The following PHTF1 variants were observed in gnomAD, a reference collection of about 807,000 sequenced individuals.
PHTF1 encodes protein PHTF1.
Under a neutral mutation model 102.4 loss-of-function variants are expected in PHTF1, and 88 were observed. The observed-to-expected ratio is 0.86, with a 90% CI of 0.72 to 1.03. The LOEUF (loss-of-function observed/expected upper bound fraction) is 1.03. Ranked by LOEUF, PHTF1 falls within the 50% of genes least tolerant of loss-of-function variation. PHTF1 has a pLI of 0.00. For missense variants in PHTF1, 814 were observed against 909.5 expected (o/e 0.89, Z 1.35); for synonymous variants, 289 against 305.2 (o/e 0.95, Z 0.55).
intron 6 of PHTF1, chr1:113,726,071 C>A (rs897760431): frequency 4.2e-5 from 7 of 168,516 alleles, no homozygotes; most frequent in African/African-American, 1.7e-4. Flanking sequence ...GTACCAAGAT[C>A]CTTGTTTACA....
intron 7 of PHTF1, among the ~76,000 whole-genome samples, chr1:113,721,986 G>A (rs532551653): frequency 3.3e-5 from 5 of 151,540 alleles, no homozygotes; most frequent in African/African-American, 9.7e-5. Context: ...GAGCCACTGC[G>A]CCCAGCCAAA....
At chr1:113,714,226 T>A (rs1429440808) in intron 7 of PHTF1, 1 of 152,234 alleles carries the variant, frequency 6.6e-6, no homozygotes, top group Non-Finnish European at 1.5e-5. Flanking sequence ...AGGGAGAGAC[T>A]CTTTCTGCTT....
At chr1:113,698,567 AT>A (rs1025231384) in intron 17 of PHTF1, among the ~76,000 whole-genome samples, 180 bp from the exon 18 acceptor site, 1 of 151,084 alleles carries the variant, frequency 6.6e-6, no homozygotes, top group African/African-American at 2.4e-5. Context: ...ACTAACTAAG[AT>A]TTTTTTAGGT....
intron 3 of PHTF1, among the ~76,000 whole-genome samples, chr1:113,739,768 T>TTCTACTC (rs1302953217): frequency 2.6e-5 from 4 of 152,210 alleles, no homozygotes; most frequent in Non-Finnish European, 5.9e-5. Context: ...ATAACTACTA[T>TTCTACTC]TCTACTCTCT....
At chr1:113,727,507 G>A (rs190460657) in intron 5 of PHTF1, among the ~76,000 whole-genome samples, 86 of 152,296 alleles carry the variant, frequency 5.6e-4, no homozygotes, top group African/African-American at 1.9e-3. Flanking sequence ...AAGTGAATTT[G>A]ACATTTAAAA....
At chr1:113,741,404 A>C (rs1265578853) in intron 3 of PHTF1, among the ~76,000 whole-genome samples, 1 of 152,258 alleles carries the variant, frequency 6.6e-6, no homozygotes, top group Non-Finnish European at 1.5e-5. Context: ...TTTCATGAGA[A>C]TAACAATTAT....
chr1:113,753,205 A>G (rs1451332474), intron 3 of PHTF1, among the ~76,000 whole-genome samples: 1 of 152,240 alleles, frequency 6.6e-6, no homozygotes, highest in Non-Finnish European at 1.5e-5. Flanking sequence ...ACATACATTC[A>G]TAACGAATGT....
chr1:113,748,424 C>T (rs949845990), intron 3 of PHTF1, among the ~76,000 whole-genome samples: 3 of 152,096 alleles, frequency 2.0e-5, no homozygotes, highest in Non-Finnish European at 4.4e-5. Context: ...GCATGAATTG[C>T]ACTCACTTTG....
chr1:113,697,786 TACACTTACATG>T, intron 18 of PHTF1, 61 bp from the exon 19 acceptor site: 1 of 1,111,490 alleles, frequency 9.0e-7, no homozygotes, highest in Non-Finnish European at 1.4e-6. Flanking sequence ...GATTTATAGG[TACACTTACATG>T]ACTATAAACT....
At chr1:113,713,181 T>C (rs1207645825) in intron 8 of PHTF1, 98 bp downstream of exon 8, 2 of 1,061,362 alleles carry the variant, frequency 1.9e-6, no homozygotes, top group African/African-American at 1.6e-5. Flanking sequence ...GACAAATTTA[T>C]AAACCTACTA....
intron 13 of PHTF1, among the ~76,000 whole-genome samples, chr1:113,705,065 C>T (rs1211991705): frequency 6.6e-6 from 1 of 152,194 alleles, no homozygotes; most frequent in East Asian, 1.9e-4. Context: ...GAATGGTTGG[C>T]ATTTATGGAT....
chr1:113,732,460 C>A (rs1472524817), intron 5 of PHTF1, among the ~76,000 whole-genome samples: 1 of 152,142 alleles, frequency 6.6e-6, no homozygotes, highest in Admixed American at 6.5e-5. Flanking sequence ...CACACCATTG[C>A]ACTCCAGTCT....
chr1:113,721,836 C>T (rs1172540905), intron 7 of PHTF1, among the ~76,000 whole-genome samples: 3 of 151,966 alleles, frequency 2.0e-5, no homozygotes, highest in African/African-American at 7.2e-5. Context: ...ACTACAGGTG[C>T]CCGCCACCAC....
rs767376135 is a variant in PHTF1 at position 113,734,675 on chromosome 1, C to T, written c.331+3435G>A. 1.4e-4 allele frequency among the ~76,000 whole-genome samples: 22 copies of T among 152,164 alleles called. 1 individual carries two copies. The highest frequency in any genetic ancestry group is 5.2e-4 in the Admixed American group (8 of 15,282). On this transcript the variant is annotated intron_variant, in intron 5 of 18. Transcript: ENST00000369604. Reference sequence around the variant, plus strand: ...ATTGTTAAGCAAAAAGGAAGCATAACTTAAAGATTTGAAAAGTTCTTAGCC... The same window carrying T: ...ATTGTTAAGCAAAAAGGAAGCATAATTTAAAGATTTGAAAAGTTCTTAGCC...
At chr1:113,741,550 A>T (rs1253812483) in intron 3 of PHTF1, among the ~76,000 whole-genome samples, 1 of 152,230 alleles carries the variant, frequency 6.6e-6, no homozygotes, top group Non-Finnish European at 1.5e-5. Context: ...CTTTAGAGCC[A>T]AAATAATTTT....
At chr1:113,746,052 A>G (rs1657192359) in intron 3 of PHTF1, among the ~76,000 whole-genome samples, 1 of 152,232 alleles carries the variant, frequency 6.6e-6, no homozygotes, top group Non-Finnish European at 1.5e-5. Context: ...CAGCCACTGT[A>G]GCACTAAAGC....
rs781401874 is a variant in PHTF1 at position 113,724,870 on chromosome 1, C to A, written c.512G>T (p.Gly171Val). ...RRRKLRKTVN[G>V]DGSRENGNNS... ...ATTTCCATTTTCTCGGCTCCCATCA[C>A]CATTTACAGTTTTTCGTAATTTTCT... Residue 171 changes from glycine (G) to valine (V), a missense_variant, in exon 7 of 19, where the codon GGT becomes GTT. Transcript: ENST00000369604. 2 of 1,600,132 alleles carry A rather than the reference C, an allele frequency of 1.2e-6. No individual in the cohort carries two copies. Among genetic ancestry groups the A allele is most frequent in the South Asian group, 1.1e-5 (1 of 87,782 alleles).
At chr1:113,726,362 T>A (rs565803313) in intron 6 of PHTF1, 56 bp downstream of exon 6, 1 of 1,251,942 alleles carries the variant, frequency 8.0e-7, no homozygotes, top group African/African-American at 1.5e-5. Flanking sequence ...GTTTTATAAA[T>A]CTCTACAATA....
chr1:113,733,623 T>C (rs534734567), intron 5 of PHTF1, among the ~76,000 whole-genome samples: 1 of 152,234 alleles, frequency 6.6e-6, no homozygotes, highest in South Asian at 2.1e-4. Flanking sequence ...TCCAGAGAGC[T>C]CCTGTGGCCC....
Sources: gnomAD v4.1 joint callset for allele counts (sites outside exome capture counted in the v4.1 genomes callset) on GRCh38, gnomAD v4.1.1 for gene constraint, MANE v1.5 for transcripts, NCBI Gene and HGNC (gene_info 2026-07-23, HGNC 2026-07-21) for gene names.